EYS: variants seen among roughly 807,000 people sequenced by gnomAD.
EYS encodes the protein protein eyes shut homolog.
Under a neutral mutation model 282.1 loss-of-function variants are expected in EYS, and 250 were observed. That is an observed-to-expected ratio of 0.89 (90% CI 0.80 to 0.98). EYS has a LOEUF of 0.98. EYS is among the 50% of genes least tolerant of loss of function. The pLI is 0.00. For synonymous variants in EYS, 1,355 were observed against 1,282.9 expected (o/e 1.06, Z -1.20); for missense variants, 4,016 against 3,709.0 (o/e 1.08, Z -2.15).
intron 31 of EYS, among the ~76,000 whole-genome samples, chr6:64,140,216 T>G (rs954495818): frequency 6.6e-6 from 1 of 152,202 alleles, no homozygotes; most frequent in African/African-American, 2.4e-5. Context: ...AATGTTTATA[T>G]TGATTAATAA....
intron 29 of EYS, among the ~76,000 whole-genome samples, chr6:64,314,422 CATA>C (rs1006193547): frequency 3.9e-5 from 6 of 152,040 alleles, no homozygotes; most frequent in African/African-American, 1.5e-4. Context: ...TAGACTCCCG[CATA>C]ATAATAGTGG....
chr6:64,271,787 G>C (rs1046396684), intron 30 of EYS, among the ~76,000 whole-genome samples: 4 of 151,600 alleles, frequency 2.6e-5, no homozygotes, highest in Admixed American at 6.6e-5. Flanking sequence ...TTGTTCCATT[G>C]TTCTGTTTCT....
intron 39 of EYS, among the ~76,000 whole-genome samples, chr6:63,785,707 A>C (rs942222408): frequency 3.3e-5 from 5 of 152,306 alleles, no homozygotes; most frequent in African/African-American, 7.2e-5. Flanking sequence ...AGAGTTATTT[A>C]TCAAGAGTTT....
chr6:63,846,865 T>G (rs1456883718), intron 36 of EYS, among the ~76,000 whole-genome samples: 1 of 152,174 alleles, frequency 6.6e-6, no homozygotes, highest in Admixed American at 6.5e-5. Flanking sequence ...TAAAATATAT[T>G]AATACATGAG....
intron 22 of EYS, among the ~76,000 whole-genome samples, chr6:64,662,029 T>C (rs1056908527): frequency 3.3e-5 from 5 of 151,970 alleles, no homozygotes; most frequent in Admixed American, 1.3e-4. Flanking sequence ...ATGGCACATA[T>C]ACACCATGGA....
chr6:64,784,197 T>C (rs1347677172), intron 22 of EYS, among the ~76,000 whole-genome samples: 1 of 152,072 alleles, frequency 6.6e-6, no homozygotes, highest in South Asian at 2.1e-4. Flanking sequence ...CTTTCTTTTC[T>C]TTTTTGTTTC....
chr6:65,413,429 T>C (rs1767105747), intron 5 of EYS, among the ~76,000 whole-genome samples: 1 of 152,086 alleles, frequency 6.6e-6, no homozygotes, highest in African/African-American at 2.4e-5. Flanking sequence ...TAATAAATGA[T>C]GTTAAGAAAA....
chr6:63,946,004 G>A (rs1490172405), intron 35 of EYS, among the ~76,000 whole-genome samples: 3 of 152,134 alleles, frequency 2.0e-5, no homozygotes, highest in African/African-American at 4.8e-5. Flanking sequence ...AGAGTTCAGG[G>A]TTCTCTTCAT....
intron 31 of EYS, among the ~76,000 whole-genome samples, chr6:64,150,036 T>C (rs949721598): frequency 6.6e-6 from 1 of 152,236 alleles, no homozygotes; most frequent in Non-Finnish European, 1.5e-5. Context: ...GTTTTCATAA[T>C]TGGAACTATC....
intron 24 of EYS, among the ~76,000 whole-genome samples, chr6:64,595,423 G>A (rs80240289): frequency 0.032 from 4,816 of 152,128 alleles, 90 homozygotes; most frequent in Non-Finnish European, 0.048. Context: ...CATTGTCCCG[G>A]AAGTGCCAAC....
At chr6:63,761,245 AAG>A (rs1056676398) in intron 41 of EYS, among the ~76,000 whole-genome samples, 5 of 151,966 alleles carry the variant, frequency 3.3e-5, no homozygotes, top group African/African-American at 9.7e-5. Context: ...TACTCCAGGA[AAG>A]AGTGTGGCAT....
intron 31 of EYS, among the ~76,000 whole-genome samples, chr6:64,188,167 T>G (rs1205055257): frequency 1.3e-5 from 2 of 152,110 alleles, no homozygotes; most frequent in African/African-American, 4.8e-5. Context: ...TTTCACCATA[T>G]AAAGTTCCAC....
chr6:65,497,095 C>G (rs1311991539), intron 2 of EYS, among the ~76,000 whole-genome samples: 1 of 151,934 alleles, frequency 6.6e-6, no homozygotes, highest in Non-Finnish European at 1.5e-5. Context: ...ATATATTAAT[C>G]ACCTTGTTAA....
rs549385870 is a variant in EYS, at chr6:64,401,786, G to T, written c.5928-12946C>A. Among the ~76,000 whole-genome samples the T allele has an allele frequency of 4.6e-5, 7 of 152,128 alleles. No individual in the cohort carries two copies. In the East Asian group the frequency reaches 9.7e-4, roughly 21 times the overall value. ...ATATTTATTCAAGTAATTTCCACAGGTGACATGGAACTGTCCCCAGATTCC... is the reference window on the plus strand; with the variant it reads ...ATATTTATTCAAGTAATTTCCACAGTTGACATGGAACTGTCCCCAGATTCC... On this transcript the variant is annotated intron_variant, in intron 28 of 42. Transcript: ENST00000503581.
intron 22 of EYS, among the ~76,000 whole-genome samples, chr6:64,747,322 C>T (rs1230641023): frequency 6.6e-6 from 1 of 152,054 alleles, no homozygotes; most frequent in African/African-American, 2.4e-5. Flanking sequence ...TTTCTGGTAA[C>T]CCTTATGTTG....
chr6:65,056,339 T>C (rs984584721), intron 13 of EYS, among the ~76,000 whole-genome samples: 6 of 152,082 alleles, frequency 3.9e-5, no homozygotes, highest in African/African-American at 1.4e-4. Flanking sequence ...TTGAAGAATG[T>C]ATGAAAATCC....
intron 29 of EYS, among the ~76,000 whole-genome samples, chr6:64,361,866 G>A (rs1489259816): frequency 2.6e-5 from 4 of 151,744 alleles, no homozygotes; most frequent in Non-Finnish European, 5.9e-5. Flanking sequence ...ACATGGAAAT[G>A]ACATTTAGAA....
intron 31 of EYS, among the ~76,000 whole-genome samples, chr6:64,184,556 C>CAA (rs11403969): frequency 0.011 from 1,572 of 143,630 alleles, 18 homozygotes; most frequent in African/African-American, 0.028. Context: ...CACCATTATG[C>CAA]AAAAAAAAAA....
intron 22 of EYS, among the ~76,000 whole-genome samples, chr6:64,634,599 T>C (rs1016687499): frequency 6.7e-6 from 1 of 150,056 alleles, no homozygotes; most frequent in Non-Finnish European, 1.5e-5. Flanking sequence ...TATTGAAGTG[T>C]GGTATAGTCA....
Sources: gnomAD v4.1 joint callset for allele counts (sites outside exome capture counted in the v4.1 genomes callset) on GRCh38, gnomAD v4.1.1 for gene constraint, MANE v1.5 for transcripts, NCBI Gene and HGNC (gene_info 2026-07-23, HGNC 2026-07-21) for gene names.